The following TRAF3IP2 variants were observed in gnomAD, a reference collection of about 807,000 sequenced individuals.
TRAF3IP2 encodes the protein E3 ubiquitin ligase TRAF3IP2.
TRAF3IP2 carries 35 observed loss-of-function variants against 57.9 expected under a neutral mutation model. That is an observed-to-expected ratio of 0.60 (90% CI 0.46 to 0.80). The LOEUF is 0.80. Among genes scored for constraint, TRAF3IP2 ranks in the 30% least tolerant of loss-of-function variants. The pLI, the probability that TRAF3IP2 is intolerant of heterozygous loss-of-function variation, is 0.00. For synonymous variants in TRAF3IP2, 251 were observed against 268.9 expected (o/e 0.93, Z 0.65); for missense variants, 556 against 706.4 (o/e 0.79, Z 2.41).
intron 1 of TRAF3IP2, among the ~76,000 whole-genome samples, chr6:111,596,658 T>G (rs1796700788): frequency 6.6e-6 from 1 of 152,200 alleles, no homozygotes; most frequent in Admixed American, 6.5e-5. Context: ...TTCACCACGT[T>G]GGCCAGACTG....
intron 1 of TRAF3IP2, among the ~76,000 whole-genome samples, chr6:111,593,867 G>C (rs1378572805): frequency 6.6e-6 from 1 of 152,012 alleles, no homozygotes; most frequent in Non-Finnish European, 1.5e-5. Context: ...GCAGTGGCTC[G>C]GGCCTGTAAT....
chr6:111,560,067 T>C (rs1795379930), intron 8 of TRAF3IP2, among the ~76,000 whole-genome samples: 1 of 152,136 alleles, frequency 6.6e-6, no homozygotes, highest in African/African-American at 2.4e-5. Flanking sequence ...ATGGAGTGGA[T>C]GTTCTGGTGG....
At chr6:111,569,763 A>G (rs899485317) in intron 5 of TRAF3IP2, among the ~76,000 whole-genome samples, 6 of 152,234 alleles carry the variant, frequency 3.9e-5, no homozygotes, top group Non-Finnish European at 5.9e-5. Context: ...CTCAAAAAAA[A>G]TTAAATAAAT....
At chr6:111,584,687 T>C (rs909095139) in intron 2 of TRAF3IP2, among the ~76,000 whole-genome samples, 3 of 134,782 alleles carry the variant, frequency 2.2e-5, no homozygotes, top group Non-Finnish European at 4.8e-5. Context: ...ATAAAAACTA[T>C]GTTTATCAAG....
intron 2 of TRAF3IP2, among the ~76,000 whole-genome samples, chr6:111,587,402 G>C (rs1288211259): frequency 6.6e-6 from 1 of 151,774 alleles, no homozygotes; most frequent in Non-Finnish European, 1.5e-5. Context: ...GATTACAGGT[G>C]CCCACCACCA....
At chr6:111,585,466 G>A (rs1324478158) in intron 2 of TRAF3IP2, among the ~76,000 whole-genome samples, 4 of 152,118 alleles carry the variant, frequency 2.6e-5, no homozygotes, top group Admixed American at 6.6e-5. Flanking sequence ...ATTGAACCTC[G>A]ATGGCCAGGC....
intron 3 of TRAF3IP2, among the ~76,000 whole-genome samples, chr6:111,578,285 G>A (rs1796051449): frequency 6.6e-6 from 1 of 152,072 alleles, no homozygotes; most frequent in African/African-American, 2.4e-5. Flanking sequence ...TGCCTATCCT[G>A]CTATAAAATC....
At chr6:111,583,504 G>A (rs1418655558) in intron 2 of TRAF3IP2, among the ~76,000 whole-genome samples, 1 of 152,112 alleles carries the variant, frequency 6.6e-6, no homozygotes, top group Non-Finnish European at 1.5e-5. Context: ...ATTCTCACAG[G>A]AGTGCAAACC....
intron 3 of TRAF3IP2, among the ~76,000 whole-genome samples, chr6:111,578,412 G>A (rs1384896522): frequency 1.3e-5 from 2 of 152,156 alleles, no homozygotes; most frequent in Middle Eastern, 3.2e-3. Context: ...AGGCTGATGT[G>A]GGTGGATCAC....
chr6:111,593,680 C>A (rs750720309), intron 1 of TRAF3IP2, among the ~76,000 whole-genome samples: 2 of 152,146 alleles, frequency 1.3e-5, no homozygotes, highest in African/African-American at 2.4e-5. Context: ...TCCGTCTCTC[C>A]CTTTCCCTGT....
rs762966280 is a variant in TRAF3IP2, at chr6:111,580,358, C to T, written c.861G>A (p.Gln287=). 3 of 1,577,000 alleles carry T rather than the reference C, an allele frequency of 1.9e-6. No homozygotes were observed. The South Asian group carries it at 3.5e-5, about 19-fold the overall frequency. Residue 287 remains glutamine (Q), a synonymous_variant, in exon 3 of 9, where the codon CAG becomes CAA. Transcript: ENST00000368761. The part of the protein sequence containing the change: ...YGHDYPRAAY[Q]QVIQPALPGQ... ...CAGGCAGAGCCGGCTGGATCACTTG[C>T]TGGTAGGCTGCTCGAGGGTAGTCAT... is the stretch of plus-strand genomic sequence containing the variant.
rs895566015 is a variant in TRAF3IP2 at position 111,556,570 on chromosome 6, C to T, written c.*2835G>A. The T allele has an allele frequency of 1.3e-5, 2 of 152,006 alleles. No homozygotes were observed. The highest frequency in any genetic ancestry group is 1.3e-4 in the Admixed American group (2 of 15,260). 9.4% of individuals were successfully genotyped at this position (152,006 alleles called of 1,614,324 possible). On this transcript the variant is annotated 3_prime_UTR_variant, in exon 9 of 9. Coordinates refer to ENST00000368761, the MANE Select transcript of TRAF3IP2 (RefSeq NM_147686.4). The stretch of plus-strand genomic sequence containing the variant: ...TTGAAGTTTGTGTTTGGGTGTTTTC[C>T]AGGTTATCCAAATATGAAAGTCAGT...
intron 1 of TRAF3IP2, among the ~76,000 whole-genome samples, chr6:111,596,745 C>T (rs174391): frequency 1.3e-5 from 2 of 152,102 alleles, no homozygotes; most frequent in Admixed American, 6.5e-5. Flanking sequence ...TGAGCCACTG[C>T]GCCAGTCGGT....
intron 3 of TRAF3IP2, among the ~76,000 whole-genome samples, chr6:111,578,708 CAA>C (rs1302100594): frequency 6.6e-6 from 1 of 152,120 alleles, no homozygotes; most frequent in African/African-American, 2.4e-5. Flanking sequence ...GGCTTCTGAG[CAA>C]AAGAGAAAGC....
rs767596361 is a variant in TRAF3IP2 at position 111,575,643 on chromosome 6, G to A, written c.1201C>T (p.Arg401Trp). Residue 401 changes from arginine to tryptophan, a missense_variant and splice_region_variant, in exon 4 of 9, where the codon CGG becomes TGG. Arg to Trp is a moderately radical substitution (Grantham distance 101, BLOSUM62 -3). Around this residue, in one of 2 missense-constraint regions of TRAF3IP2, gnomAD observed 428 missense variants for 498.7 expected, o/e 0.86. Coordinates refer to ENST00000368761, the MANE Select transcript of TRAF3IP2 (RefSeq NM_147686.4). ...LKTSNLPEEL[R>W]KVFITYSMDT... is the part of the protein sequence containing the mutation. ...GAGAACAATGTTGCAAACAACTTAC[G>A]CAATTCTTCTGGCAAATTGCTTGTT... 3 of 1,605,466 alleles carry A rather than the reference G, an allele frequency of 1.9e-6. No homozygotes were observed. Among genetic ancestry groups the A allele is most frequent in the Non-Finnish European group, 1.7e-6 (2 of 1,175,756 alleles).
intron 8 of TRAF3IP2, among the ~76,000 whole-genome samples, chr6:111,560,124 T>C (rs529206238): frequency 3.3e-5 from 5 of 151,070 alleles, no homozygotes; most frequent in Non-Finnish European, 5.9e-5. Flanking sequence ...AACAGTGATG[T>C]ATGCTGTGGA....
chr6:111,602,652 G>GT (rs1228834782), intron 1 of TRAF3IP2, among the ~76,000 whole-genome samples: 1 of 152,122 alleles, frequency 6.6e-6, no homozygotes, highest in African/African-American at 2.4e-5. Flanking sequence ...TAGGTGAAAG[G>GT]TAAGAGTGTC....
chr6:111,602,451 C>T (rs935008035), intron 1 of TRAF3IP2, among the ~76,000 whole-genome samples: 2 of 151,666 alleles, frequency 1.3e-5, no homozygotes, highest in Non-Finnish European at 2.9e-5. Flanking sequence ...AAGGAAAAAC[C>T]AAGAGAGGAA....
chr6:111,580,327 G>A lies in TRAF3IP2; in HGVS notation c.892C>T (p.Pro298Ser), dbSNP rs761688888. The change falls in exon 3 of 9, where the codon CCC becomes TCC. Residue 298 changes from proline (P) to serine (S), a missense_variant. Pro to Ser is a moderately conservative substitution (Grantham distance 74, BLOSUM62 -1). Transcript: ENST00000368761. ...CCTCTCACACTGGCTCCAGGCAGGG[G>A]CTGCCCAGGCAGAGCCGGCTGGATC... is the stretch of plus-strand genomic sequence containing the variant. ...QVIQPALPGQ[P>S]LPGASVRGLH... is the part of the protein sequence containing the mutation. 1 of 1,604,104 alleles carries A rather than the reference G, an allele frequency of 6.2e-7. No homozygotes were observed. Among genetic ancestry groups the A allele is most frequent in the Non-Finnish European group, 8.5e-7 (1 of 1,176,808 alleles).
Sources: gnomAD v4.1 joint callset for allele counts (sites outside exome capture counted in the v4.1 genomes callset) on GRCh38, gnomAD v4.1.1 for gene constraint, gnomAD v4.1.1 regional missense constraint, MANE v1.5 for transcripts, NCBI Gene and HGNC (gene_info 2026-07-23, HGNC 2026-07-21) for gene names.